Variants in TENM2 observed in about 807,000 individuals in gnomAD.
TENM2 encodes teneurin transmembrane protein 2, also known as teneurin-2.
TENM2 carries 52 observed loss-of-function variants against 245.2 expected under a neutral mutation model. The observed-to-expected ratio is 0.21, with a 90% CI of 0.17 to 0.27. The LOEUF (loss-of-function observed/expected upper bound fraction) is 0.27. Among genes scored for constraint, TENM2 ranks in the 10% least tolerant of loss-of-function variants. TENM2 has a pLI of 1.00. For missense variants in TENM2, 3,046 were observed against 3,666.8 expected (o/e 0.83, Z 4.37); for synonymous variants, 1,363 against 1,438.9 (o/e 0.95, Z 1.19).
upstream of TENM2, among the ~76,000 whole-genome samples, chr5:167,281,793 G>A (rs974938935): frequency 2.0e-5 from 3 of 152,094 alleles, no homozygotes; most frequent in Admixed American, 2.0e-4. Flanking sequence ...GAGGTCAGGA[G>A]TTCAAGACCA....
intron 2 of TENM2, among the ~76,000 whole-genome samples, chr5:167,394,983 G>A (rs1761972490): frequency 6.6e-6 from 1 of 152,122 alleles, no homozygotes; most frequent in Non-Finnish European, 1.5e-5. Flanking sequence ...CAAGATTATG[G>A]TTCTACGTGG....
chr5:167,507,781 A>G (rs999770172), intron 2 of TENM2, among the ~76,000 whole-genome samples: 6 of 152,202 alleles, frequency 3.9e-5, no homozygotes, highest in African/African-American at 1.2e-4. Flanking sequence ...AATAACAATT[A>G]CCATAGGAAT....
intron 25 of TENM2, among the ~76,000 whole-genome samples, chr5:168,234,159 G>T (rs1456123740): frequency 6.6e-6 from 1 of 151,982 alleles, no homozygotes; most frequent in Non-Finnish European, 1.5e-5. Context: ...GCGGGGGTGG[G>T]GGGTGGTCAG....
At chr5:167,752,347 C>G (rs866227408) in intron 2 of TENM2, among the ~76,000 whole-genome samples, 1 of 149,342 alleles carries the variant, frequency 6.7e-6, no homozygotes, top group African/African-American at 2.5e-5. Context: ...CTCCTGACCT[C>G]AGGTGATCTA....
chr5:167,211,670 C>A, the TENM2 span, among the ~76,000 whole-genome samples: 1 of 152,092 alleles, frequency 6.6e-6, no homozygotes, highest in South Asian at 2.1e-4. Flanking sequence ...GGGTGTTCCC[C>A]TATATTTAGT....
chr5:167,943,965 C>T lies in TENM2; in HGVS notation c.713-8623C>T, dbSNP rs180913059. Reference sequence around the variant, plus strand: ...AAATCTTCTCTTTAGAAGGGTCCTTCTCAGATATTTCAAGTGGTCTTTTTT... The same window carrying T: ...AAATCTTCTCTTTAGAAGGGTCCTTTTCAGATATTTCAAGTGGTCTTTTTT... On this transcript the variant is annotated intron_variant, in intron 3 of 28. Coordinates refer to ENST00000518659, the Ensembl canonical transcript of TENM2. Among the ~76,000 whole-genome samples the T allele has an allele frequency of 2.3e-3, 355 of 152,278 alleles. 2 individuals are homozygous for T. The highest frequency in any genetic ancestry group is 7.8e-3 in the African/African-American group (325 of 41,560).
chr5:167,070,408 C>A, the TENM2 span, among the ~76,000 whole-genome samples: 1 of 151,030 alleles, frequency 6.6e-6, no homozygotes, highest in South Asian at 2.1e-4. Context: ...GAATTATAGG[C>A]ATGAGCCACT....
Position 167,364,096 on chromosome 5 carries a change from C to T in TENM2, c.227-11102C>T, listed in dbSNP as rs560970737. 2.7e-5 allele frequency among the ~76,000 whole-genome samples: 4 copies of T among 148,096 alleles called. No individual in the cohort carries two copies. The East Asian group carries it at 7.8e-4, about 29-fold the overall frequency. ...AAGCATTTAGAGAGAAAAAGGGTAG[C>T]GTAAGATCAGCTGAGTTTAATTGGT... On this transcript the variant is annotated intron_variant, in intron 1 of 28. Coordinates refer to ENST00000518659, the Ensembl canonical transcript of TENM2.
chr5:167,849,340 T>C (rs969754081), intron 2 of TENM2, among the ~76,000 whole-genome samples: 1 of 152,074 alleles, frequency 6.6e-6, no homozygotes, highest in Non-Finnish European at 1.5e-5. Flanking sequence ...GGAAAAAAAA[T>C]TGTTTTTCCC....
intron 2 of TENM2, among the ~76,000 whole-genome samples, chr5:167,452,606 C>T (rs762135223): frequency 2.2e-4 from 34 of 152,066 alleles, no homozygotes; most frequent in Non-Finnish European, 3.4e-4. Flanking sequence ...TCAAAATGGC[C>T]TTCCTGGGTT....
At chr5:167,376,945 A>T (rs2127318148) in intron 2 of TENM2, among the ~76,000 whole-genome samples, 1 of 152,324 alleles carries the variant, frequency 6.6e-6, no homozygotes, top group Non-Finnish European at 1.5e-5. Context: ...TTTATGGCAC[A>T]TTTTAAACAA....
rs34408816 is a variant in TENM2, at chr5:167,384,713, C to CAT, written c.502+9240_502+9241insAT. Among the ~76,000 whole-genome samples the CAT allele has an allele frequency of 3.8e-4, 58 of 151,824 alleles. 1 individual carries two copies. The highest frequency in any genetic ancestry group is 3.6e-3 in the Admixed American group (55 of 15,246). On this transcript the variant is annotated intron_variant, in intron 2 of 28. Coordinates refer to ENST00000518659, the Ensembl canonical transcript of TENM2. ...GCGTGCACACGCGTGCGCGCACACA[C>CAT]GCACACACACACACACGTTTGGATG...
At chr5:167,299,979 C>G (rs1755213024) in intron 1 of TENM2, among the ~76,000 whole-genome samples, 1 of 152,072 alleles carries the variant, frequency 6.6e-6, no homozygotes, top group South Asian at 2.1e-4. Flanking sequence ...ATTTTTAGGG[C>G]CTTTAAAAGT....
chr5:167,224,117 A>C, the TENM2 span, among the ~76,000 whole-genome samples: 33 of 152,158 alleles, frequency 2.2e-4, no homozygotes, highest in Non-Finnish European at 4.0e-4. Context: ...GTAGTTCACA[A>C]ATTTTTTCTC....
At chr5:167,242,903 GA>G in the TENM2 span, among the ~76,000 whole-genome samples, 1 of 151,938 alleles carries the variant, frequency 6.6e-6, no homozygotes, top group Non-Finnish European at 1.5e-5. Flanking sequence ...GTGTGTAGAC[GA>G]AAAATATAAA....
At chr5:168,004,509 G>A (rs1001600544) in intron 5 of TENM2, among the ~76,000 whole-genome samples, 96 of 113,406 alleles carry the variant, frequency 8.5e-4, no homozygotes, top group African/African-American at 3.4e-3. Flanking sequence ...GCACGCATGC[G>A]CGCGCGCGCA....
At chr5:167,263,939 A>T in the TENM2 span, among the ~76,000 whole-genome samples, 2 of 151,876 alleles carry the variant, frequency 1.3e-5, no homozygotes, top group Admixed American at 6.6e-5. Flanking sequence ...CCCCCTCTCT[A>T]CTAAAAATAC....
At chr5:167,765,889 C>T (rs905788364) in intron 2 of TENM2, among the ~76,000 whole-genome samples, 2 of 152,054 alleles carry the variant, frequency 1.3e-5, no homozygotes, top group African/African-American at 2.4e-5. Context: ...TTCTGTAAAT[C>T]GCTTGTAAAC....
intron 5 of TENM2, among the ~76,000 whole-genome samples, chr5:168,039,325 A>G (rs542979861): frequency 1.6e-4 from 24 of 152,246 alleles, no homozygotes; most frequent in East Asian, 1.5e-3. Context: ...TTGAAGAAAG[A>G]CAAATATTGT....
Sources: gnomAD v4.1 joint callset for allele counts (sites outside exome capture counted in the v4.1 genomes callset) on GRCh38, gnomAD v4.1.1 for gene constraint, MANE v1.5 for transcripts, NCBI Gene and HGNC (gene_info 2026-07-23, HGNC 2026-07-21) for gene names.